CDH18: variants seen among roughly 807,000 people sequenced by gnomAD.
CDH18 encodes cadherin 18.
Under a neutral mutation model 67.9 loss-of-function variants are expected in CDH18, and 31 were observed. The observed-to-expected ratio is 0.46, with a 90% CI of 0.34 to 0.62. The LOEUF (loss-of-function observed/expected upper bound fraction) is 0.62, where lower values mean the gene tolerates loss of function less well. CDH18 is among the 20% of genes least tolerant of loss of function. The pLI, the probability that CDH18 is intolerant of heterozygous loss-of-function variation, is 0.01. For missense variants in CDH18, 890 were observed against 975.5 expected, an observed-to-expected ratio of 0.91 and a Z score of 1.17; for synonymous variants, 362 against 347.2, an observed-to-expected ratio of 1.04 and a Z score of -0.48.
chr5:19,759,699 T>G (rs1347070845), intron 3 of CDH18, among the ~76,000 whole-genome samples: 1 of 152,132 alleles, frequency 6.6e-6, no homozygotes, highest in Non-Finnish European at 1.5e-5. Flanking sequence ...GTCTGATCAT[T>G]TTCCTTTCCC....
intron 11 of CDH18, among the ~76,000 whole-genome samples, chr5:19,497,544 G>C (rs983081783): frequency 5.3e-5 from 8 of 152,136 alleles, no homozygotes; most frequent in Non-Finnish European, 1.5e-5. Context: ...AATTCAAGAG[G>C]GTTAGAACAT....
At chr5:19,757,977 A>G (rs934683738) in intron 3 of CDH18, among the ~76,000 whole-genome samples, 2 of 152,132 alleles carry the variant, frequency 1.3e-5, no homozygotes, top group Admixed American at 6.6e-5. Flanking sequence ...CCATCTGTGA[A>G]CCAGGCTCGA....
intron 2 of CDH18, among the ~76,000 whole-genome samples, chr5:19,997,606 G>A (rs2150396214): frequency 6.6e-6 from 1 of 152,164 alleles, no homozygotes; most frequent in Non-Finnish European, 1.5e-5. Context: ...TTATGCCGAG[G>A]TAAACTCTAA....
intron 5 of CDH18, among the ~76,000 whole-genome samples, chr5:19,654,113 G>A (rs975675902): frequency 1.3e-5 from 2 of 152,222 alleles, no homozygotes; most frequent in African/African-American, 4.8e-5. Context: ...TTCTTTAGCA[G>A]CCTCTGCAGA....
chr5:19,648,991 T>C (rs1359453019), intron 5 of CDH18, among the ~76,000 whole-genome samples: 1 of 152,176 alleles, frequency 6.6e-6, no homozygotes, highest in Non-Finnish European at 1.5e-5. Flanking sequence ...AGAAGCTATT[T>C]CTCATCCATC....
At chr5:20,527,885 T>G (rs184980489) in intron 1 of CDH18, among the ~76,000 whole-genome samples, 1 of 152,198 alleles carries the variant, frequency 6.6e-6, no homozygotes, top group East Asian at 1.9e-4. Flanking sequence ...AGCATTATGA[T>G]GACAGGATCA....
At chr5:19,822,599 G>A (rs1779988190) in intron 3 of CDH18, among the ~76,000 whole-genome samples, 1 of 152,134 alleles carries the variant, frequency 6.6e-6, no homozygotes, top group African/African-American at 2.4e-5. Flanking sequence ...CGCAAAACCA[G>A]CAAGTTTTTA....
intron 2 of CDH18, among the ~76,000 whole-genome samples, chr5:20,059,972 T>TC (rs1330697238): frequency 1.4e-5 from 2 of 142,240 alleles, no homozygotes; most frequent in African/African-American, 5.5e-5. Flanking sequence ...CTGGGGCTTG[T>TC]CGGGGGCTGG....
chr5:19,637,446 C>T lies in CDH18; in HGVS notation c.644-24845G>A, dbSNP rs542342117. On this transcript the variant is annotated intron_variant, in intron 5 of 12. Coordinates refer to ENST00000382275, the MANE Select transcript of CDH18 (RefSeq NM_004934.5). ...TGATTCCTATTTCTACTTCTAATTG[C>T]ACCTTTTATTTCGCAGCAGTTACGC... Among the ~76,000 whole-genome samples the T allele has an allele frequency of 1.7e-4, 26 of 152,202 alleles. No homozygotes were observed. In the South Asian group the frequency reaches 3.7e-3, roughly 22 times the overall value.
chr5:19,568,411 G>A (rs1375779372), intron 8 of CDH18, among the ~76,000 whole-genome samples: 1 of 152,108 alleles, frequency 6.6e-6, no homozygotes, highest in Admixed American at 6.6e-5. Flanking sequence ...GTGAGAATAC[G>A]AGACGTTGGT....
chr5:19,767,721 G>A (rs967079137), intron 3 of CDH18, among the ~76,000 whole-genome samples: 1 of 152,024 alleles, frequency 6.6e-6, no homozygotes, highest in Non-Finnish European at 1.5e-5. Context: ...TAATTGTATG[G>A]AGACTTCAGT....
At chr5:19,625,532 T>C (rs1247597779) in intron 5 of CDH18, among the ~76,000 whole-genome samples, 2 of 152,168 alleles carry the variant, frequency 1.3e-5, no homozygotes, top group Non-Finnish European at 2.9e-5. Flanking sequence ...TTGGCAGGGT[T>C]GCTTTCTTCT....
At chr5:19,474,098 C>T (rs1738039370) in intron 12 of CDH18, among the ~76,000 whole-genome samples, 1 of 151,958 alleles carries the variant, frequency 6.6e-6, no homozygotes, top group Non-Finnish European at 1.5e-5. Context: ...GTGAGCTGGT[C>T]TCTCTATAGA....
intron 8 of CDH18, among the ~76,000 whole-genome samples, chr5:19,545,748 T>C (rs536706021): frequency 6.6e-6 from 1 of 152,262 alleles, no homozygotes; most frequent in Admixed American, 6.5e-5. Flanking sequence ...GAAAAATTAA[T>C]GATTATGCCT....
chr5:19,998,915 T>G, intron 2 of CDH18, among the ~76,000 whole-genome samples: 1 of 151,876 alleles, frequency 6.6e-6, no homozygotes, highest in Non-Finnish European at 1.5e-5. Context: ...AGCCTGGCAG[T>G]AAATGAAAAA....
chr5:19,923,305 G>C (rs1449568300), intron 2 of CDH18, among the ~76,000 whole-genome samples: 2 of 152,002 alleles, frequency 1.3e-5, no homozygotes, highest in African/African-American at 4.8e-5. Context: ...TCCTTATAAG[G>C]CTCCAGAAAA....
chr5:20,430,647 T>G (rs1748666621), intron 1 of CDH18, among the ~76,000 whole-genome samples: 1 of 152,164 alleles, frequency 6.6e-6, no homozygotes, highest in African/African-American at 2.4e-5. Context: ...ATAAATAATA[T>G]TTGTTTTTAT....
At position 19,980,719 on chromosome 5, in the gene CDH18, A is replaced by T. The variant is rs141393270; in HGVS notation, c.-257+341T>A. 3.3e-5 allele frequency among the ~76,000 whole-genome samples: 5 copies of T among 152,226 alleles called. No individual in the cohort carries two copies. The East Asian group carries it at 9.7e-4, about 29-fold the overall frequency. Reference sequence around the variant, plus strand: ...GTCTCTTCACTTTAAGTGCAATCTAATATTGCATACAAATTTGTATTTTAT... The same window carrying T: ...GTCTCTTCACTTTAAGTGCAATCTATTATTGCATACAAATTTGTATTTTAT... On this transcript the variant is annotated intron_variant, in intron 2 of 12. Coordinates refer to ENST00000382275, the MANE Select transcript of CDH18 (RefSeq NM_004934.5).
chr5:20,084,960 TC>T (rs1183218800), intron 2 of CDH18, among the ~76,000 whole-genome samples: 1 of 152,162 alleles, frequency 6.6e-6, no homozygotes, highest in Non-Finnish European at 1.5e-5. Flanking sequence ...GGAGACATTT[TC>T]CACATTGTCT....
Sources: gnomAD v4.1 joint callset for allele counts (sites outside exome capture counted in the v4.1 genomes callset) on GRCh38, gnomAD v4.1.1 for gene constraint, MANE v1.5 for transcripts, NCBI Gene and HGNC (gene_info 2026-07-23, HGNC 2026-07-21) for gene names.